The following NFAT5 variants were observed in gnomAD, a reference collection of about 807,000 sequenced individuals.
The protein encoded by NFAT5 is nuclear factor of activated T-cells 5.
In NFAT5, 31 loss-of-function variants were observed where a neutral mutation model predicts 166.5. The ratio of observed to expected loss-of-function variants is 0.19; its 90% CI spans 0.14 to 0.25. The LOEUF (loss-of-function observed/expected upper bound fraction) is 0.25. Among genes scored for constraint, NFAT5 ranks in the 10% least tolerant of loss-of-function variants. NFAT5 has a pLI of 1.00. For missense variants in NFAT5, 1,449 were observed against 1,821.8 expected (o/e 0.80, Z 3.72); for synonymous variants, 612 against 639.7 (o/e 0.96, Z 0.65).
In NFAT5 at chr16:69,693,712, C is replaced by T. The variant is rs772792678; in HGVS notation, c.3887C>T (p.Thr1296Ile). 4.3e-6 allele frequency: 7 copies of T among 1,614,232 alleles called. No homozygotes were observed. In the East Asian group the frequency reaches 1.6e-4, roughly 36 times the overall value. Residue 1296 changes from threonine (T) to isoleucine (I), a missense_variant, in exon 13 of 15, where the codon ACA becomes ATA. By Grantham distance (89) the Thr-to-Ile change is moderately conservative (BLOSUM62 -1). Coordinates refer to ENST00000349945, the MANE Select transcript of NFAT5 (RefSeq NM_138713.4). ...ILFSNQNTMA[T>I]MASPKQPPPN... is the part of the protein sequence containing the mutation. ...TTCAGTAATCAGAATACCATGGCTA[C>T]AATGGCGTCTCCAAAGCAACCACCA...
intron 2 of NFAT5, among the ~76,000 whole-genome samples, chr16:69,621,802 C>G (rs1376937851): frequency 6.6e-6 from 1 of 151,784 alleles, no homozygotes; most frequent in East Asian, 1.9e-4. Flanking sequence ...TCTGTCTCTA[C>G]AAAAAGTTTT....
intron 2 of NFAT5, among the ~76,000 whole-genome samples, chr16:69,625,995 A>T (rs1216046601): frequency 6.7e-6 from 1 of 149,580 alleles, no homozygotes; most frequent in African/African-American, 2.5e-5. Flanking sequence ...GGTCTCACCC[A>T]GGCTGGAGTG....
At chr16:69,648,439 A>C (rs1426890227) in intron 4 of NFAT5, 1 of 983,860 alleles carries the variant, frequency 1.0e-6, no homozygotes, top group South Asian at 4.7e-5. Flanking sequence ...CATTGATTGT[A>C]CAGAGTCGAT....
intron 2 of NFAT5, among the ~76,000 whole-genome samples, chr16:69,586,873 A>G (rs2032102548): frequency 6.6e-6 from 1 of 152,182 alleles, no homozygotes; most frequent in Admixed American, 6.5e-5. Context: ...GTGAAATAAG[A>G]CATACTTCTA....
chr16:69,648,998 AT>A, intron 4 of NFAT5: 1 of 966,912 alleles, frequency 1.0e-6, no homozygotes, highest in Non-Finnish European at 1.2e-6. Context: ...GAAAATGAAT[AT>A]TTAAATGCTT....
chr16:69,629,768 A>ATTT (rs761809860), intron 3 of NFAT5, among the ~76,000 whole-genome samples: 11 of 111,716 alleles, frequency 9.8e-5, no homozygotes, highest in Non-Finnish European at 1.1e-4. Context: ...CACTGGGCTA[A>ATTT]TTTTTTTTTT....
intron 2 of NFAT5, among the ~76,000 whole-genome samples, chr16:69,617,343 A>C (rs757676987): frequency 7.2e-5 from 11 of 152,216 alleles, no homozygotes; most frequent in Non-Finnish European, 1.6e-4. Context: ...GATTCTTGAT[A>C]ACTAGAGAGT....
intron 4 of NFAT5, among the ~76,000 whole-genome samples, chr16:69,650,981 C>T (rs2035640447): frequency 6.6e-6 from 1 of 152,186 alleles, no homozygotes. Flanking sequence ...GTTTACTGCC[C>T]ATTGTTCCAG....
rs925236381 is a variant in NFAT5, at chr16:69,698,097, A to ATGT, written c.*1748_*1750dup. The ATGT allele has an allele frequency of 1.1e-4, 17 of 149,648 alleles. No homozygotes were observed. Among genetic ancestry groups the ATGT allele is most frequent in the African/African-American group, 4.2e-4 (17 of 40,646 alleles). The allele number at this position is 149,648 out of a possible 1,614,324, so 9.3% of individuals were successfully genotyped here. A position where few individuals can be genotyped will look rare whatever the true frequency, so the allele number is the denominator to read the frequency against. ...CTTTTGTCTTTTTCTCTTTTTTCTC[A>ATGT]TGTTTTCTTCCCTCCACCTCCACCC... On this transcript the variant is annotated 3_prime_UTR_variant, in exon 15 of 15. Coordinates refer to ENST00000349945, the MANE Select transcript of NFAT5 (RefSeq NM_138713.4).
rs762391891 is a variant in NFAT5 at position 69,647,578 on chromosome 16, G to A, written c.804G>A (p.Ala268=). The A allele has an allele frequency of 4.5e-6, 7 of 1,571,134 alleles. No homozygotes were observed. The highest frequency in any genetic ancestry group is 2.3e-5 in the East Asian group (1 of 44,256). ...LTTDNKGNSK[A]GNGTLENQKG... is the part of the protein sequence containing the mutation. ...CGGACAACAAAGGCAACTCAAAAGC[G>A]GGAAATGGGTTGGTATTCACATTTT... The change falls in exon 4 of 15, where the codon GCG becomes GCA. Residue 268 remains alanine, a synonymous_variant. Coordinates refer to ENST00000349945, the MANE Select transcript of NFAT5 (RefSeq NM_138713.4). The surrounding 1 kb of genome is among the most constrained non-coding windows in gnomAD (Gnocchi z 4.8).
At chr16:69,624,456 C>T (rs1327537359) in intron 2 of NFAT5, among the ~76,000 whole-genome samples, 1 of 152,170 alleles carries the variant, frequency 6.6e-6, no homozygotes, top group East Asian at 1.9e-4. Flanking sequence ...ATCCTCCCGC[C>T]TCGGCCTCCC....
At chr16:69,571,542 C>G (rs577645315) in intron 2 of NFAT5, among the ~76,000 whole-genome samples, 1 of 152,034 alleles carries the variant, frequency 6.6e-6, no homozygotes, top group African/African-American at 2.4e-5. Flanking sequence ...CTATCAAGTT[C>G]TGTCTAGTAA....
chr16:69,684,236 C>A (rs1218151587), intron 10 of NFAT5, among the ~76,000 whole-genome samples: 1 of 122,874 alleles, frequency 8.1e-6, no homozygotes. Flanking sequence ...TCCTCCTGGG[C>A]GACCTAGCGA....
At chr16:69,617,545 C>T (rs1486251367) in intron 2 of NFAT5, among the ~76,000 whole-genome samples, 1 of 151,110 alleles carries the variant, frequency 6.6e-6, no homozygotes, top group Non-Finnish European at 1.5e-5. Flanking sequence ...GGCTGGAACG[C>T]AGTGGCACAA....
At chr16:69,648,853 T>C in intron 4 of NFAT5, 1 of 925,368 alleles carries the variant, frequency 1.1e-6, no homozygotes, top group South Asian at 5.0e-5. Context: ...TTGAATATTA[T>C]AGAGAATATT....
chr16:69,687,815 A>G (rs560637635), intron 11 of NFAT5, among the ~76,000 whole-genome samples: 1 of 152,334 alleles, frequency 6.6e-6, no homozygotes, highest in Non-Finnish European at 1.5e-5. Context: ...GATCAAAAAT[A>G]CTATTAATAA....
At chr16:69,620,026 A>G (rs576036085) in intron 2 of NFAT5, among the ~76,000 whole-genome samples, 43 of 152,372 alleles carry the variant, frequency 2.8e-4, no homozygotes, top group African/African-American at 1.0e-3. Flanking sequence ...TGGATCTATT[A>G]TAGTTTACAG....
At chr16:69,689,954 C>T (rs994186505) in intron 11 of NFAT5, among the ~76,000 whole-genome samples, 6 of 152,118 alleles carry the variant, frequency 3.9e-5, no homozygotes, top group African/African-American at 7.2e-5. Context: ...GATTTCTTCT[C>T]GATATCAAAT....
Position 69,653,325 on chromosome 16 carries a change from A to G in NFAT5, c.902A>G (p.Lys301Arg). 6.2e-7 allele frequency: 1 copy of G among 1,613,226 alleles called. No homozygotes were observed. The highest frequency in any genetic ancestry group is 1.7e-4 in the Middle Eastern group (1 of 6,060). ...GTTAAAAGTGAGGGAAAGGAGCTGA[A>G]GATAGTTGTACAACCTGAGACACAG... Reference protein sequence around the residue: ...YPVKSEGKELKIVVQPETQHR... With the variant: ...YPVKSEGKELRIVVQPETQHR... Residue 301 changes from lysine (K) to arginine (R), a missense_variant, in exon 5 of 15, where the codon AAG becomes AGG. Lys to Arg is a conservative substitution (Grantham distance 26). This residue lies in a region of NFAT5 where 115 missense variants were observed against 177.1 expected (regional missense o/e 0.65). Transcript: ENST00000349945.
Sources: gnomAD v4.1 joint callset for allele counts (sites outside exome capture counted in the v4.1 genomes callset) on GRCh38, gnomAD v4.1.1 for gene constraint, gnomAD v4.1.1 regional missense constraint, Gnocchi (gnomAD v3.1) non-coding constraint, MANE v1.5 for transcripts, NCBI Gene and HGNC (gene_info 2026-07-23, HGNC 2026-07-21) for gene names.